The following PPIP5K2 variants were observed in gnomAD, a reference collection of about 807,000 sequenced individuals.
PPIP5K2 encodes the protein inositol hexakisphosphate and diphosphoinositol-pentakisphosphate kinase 2.
Under a neutral mutation model 154.6 loss-of-function variants are expected in PPIP5K2, and 105 were observed. The ratio of observed to expected loss-of-function variants is 0.68; its 90% confidence interval spans 0.58 to 0.80. The LOEUF (loss-of-function observed/expected upper bound fraction) is 0.80, where lower values mean the gene tolerates loss of function less well. Ranked by LOEUF, PPIP5K2 falls within the 30% of genes least tolerant of loss-of-function variation. The probability of loss-of-function intolerance (pLI) is 0.00; values close to 1 mark genes in which losing one functional copy is unlikely to be tolerated. For missense variants in PPIP5K2, 992 were observed against 1,504.6 expected (o/e 0.66, Z 5.64); for synonymous variants, 480 against 490.3 (o/e 0.98, Z 0.28).
rs782695056 is a variant in PPIP5K2, at chr5:103,154,677, G to T, written c.1225G>T (p.Asp409Tyr). ...KMEVRHQKFF[D>Y]LFEKCDGYKS... ...TTCTGTCTTTTTTATAAGATTTTTT[G>T]ATCTTTTTGAAAAGTGTGATGGATA... Residue 409 changes from aspartate to tyrosine, a missense_variant, in exon 12 of 31, where the codon GAT (aspartate) becomes TAT (tyrosine). Asp to Tyr is a radical substitution (Grantham distance 160). Transcript: ENST00000358359. The T allele has an allele frequency of 6.6e-7, 1 of 1,521,440 alleles. No homozygotes were observed. The highest frequency in any genetic ancestry group is 1.2e-5 in the South Asian group (1 of 80,984). 94.2% of individuals were successfully genotyped at this position (1,521,440 alleles called of 1,614,324 possible).
Position 103,181,333 on chromosome 5 carries a change from C to T in PPIP5K2, c.2922+1145C>T, listed in dbSNP as rs1352573143. Among the ~76,000 whole-genome samples, 11 of 151,750 alleles carry T rather than the reference C, an allele frequency of 7.2e-5. 1 individual carries two copies. The highest frequency in any genetic ancestry group is 2.6e-4 in the Admixed American group (4 of 15,240). Reference sequence around the variant, plus strand: ...CTGTAAACCTGGCACTTTGGGAGGCCGAGGTGGGTGGATCACCTGAGGTCA... The same window carrying T: ...CTGTAAACCTGGCACTTTGGGAGGCTGAGGTGGGTGGATCACCTGAGGTCA... On this transcript the variant is annotated intron_variant, in intron 24 of 30. Coordinates refer to ENST00000358359, the MANE Select transcript of PPIP5K2 (RefSeq NM_001276277.3).
intron 17 of PPIP5K2, 104 bp from the exon 18 acceptor site, chr5:103,167,075 T>C (rs910061294): frequency 8.1e-6 from 7 of 861,326 alleles, no homozygotes; most frequent in Non-Finnish European, 1.2e-5. Flanking sequence ...TAATTTCTGC[T>C]ATGGAATTAT....
chr5:103,197,629 G>T (rs1802312058), intron 30 of PPIP5K2, among the ~76,000 whole-genome samples: 1 of 137,358 alleles, frequency 7.3e-6, no homozygotes, highest in Non-Finnish European at 1.5e-5. Flanking sequence ...AGGCTGGAGT[G>T]CAGTGGTGTG....
chr5:103,130,091 C>A (rs1228629151), intron 2 of PPIP5K2, among the ~76,000 whole-genome samples: 2 of 152,128 alleles, frequency 1.3e-5, no homozygotes, highest in Non-Finnish European at 2.9e-5. Flanking sequence ...TAAATAGATT[C>A]ATTAAGCTTC....
chr5:103,150,525 C>T (rs2149561166), intron 8 of PPIP5K2, among the ~76,000 whole-genome samples: 1 of 152,328 alleles, frequency 6.6e-6, no homozygotes. Flanking sequence ...ATAATCCCAG[C>T]ACTTTGGGGG....
At chr5:103,199,282 G>A (rs1436876420) in intron 30 of PPIP5K2, among the ~76,000 whole-genome samples, 5 of 151,994 alleles carry the variant, frequency 3.3e-5, no homozygotes, top group South Asian at 2.1e-4. Flanking sequence ...ATCTGGTTTC[G>A]TTTGCCTTCA....
At chr5:103,174,489 ATAATCTCAAGGGTT>A (rs1425734190) in intron 21 of PPIP5K2, among the ~76,000 whole-genome samples, 1 of 152,006 alleles carries the variant, frequency 6.6e-6, no homozygotes, top group African/African-American at 2.4e-5. Flanking sequence ...TGGGTCTCAA[ATAATCTCAAGGGTT>A]TTCTCTCATG....
At chr5:103,170,025 C>T (rs1447464134) in intron 19 of PPIP5K2, among the ~76,000 whole-genome samples, 1 of 151,408 alleles carries the variant, frequency 6.6e-6, no homozygotes, top group Non-Finnish European at 1.5e-5. Context: ...TTAATCTCAC[C>T]CCTCTACTGT....
intron 1 of PPIP5K2, among the ~76,000 whole-genome samples, chr5:103,122,944 C>A (rs1269652215): frequency 6.6e-6 from 1 of 152,098 alleles, no homozygotes; most frequent in Non-Finnish European, 1.5e-5. Flanking sequence ...AGATGATTAT[C>A]CCAGGCAGTA....
intron 29 of PPIP5K2, among the ~76,000 whole-genome samples, chr5:103,194,281 C>T (rs943394117): frequency 2.0e-5 from 3 of 151,956 alleles, no homozygotes; most frequent in African/African-American, 7.3e-5. Context: ...AGTCCTTCTG[C>T]CTCAGCCTCC....
intron 30 of PPIP5K2, among the ~76,000 whole-genome samples, chr5:103,198,100 T>G (rs1554229156): frequency 6.6e-6 from 1 of 152,114 alleles, no homozygotes; most frequent in African/African-American, 2.4e-5. Context: ...ATCATTCAGT[T>G]AGAAATACTT....
rs1042488978 is a variant in PPIP5K2, at chr5:103,140,762, G to A, written c.487+2293G>A. Among the ~76,000 whole-genome samples the A allele has an allele frequency of 9.3e-5, 14 of 150,714 alleles. No homozygotes were observed. In the South Asian group the frequency reaches 1.3e-3, roughly 14 times the overall value. ...TGAGGCAGGAGAATGGCGTGAACCC[G>A]GAAGGCGGAGCTTGCAGTGAGCGGA... is the stretch of plus-strand genomic sequence containing the variant. On this transcript the variant is annotated intron_variant, in intron 5 of 30. Transcript: ENST00000358359.
At chr5:103,162,791 T>C (rs926990151) in intron 17 of PPIP5K2, among the ~76,000 whole-genome samples, 1 of 152,160 alleles carries the variant, frequency 6.6e-6, no homozygotes, top group Admixed American at 6.6e-5. Context: ...CCATAAGATA[T>C]ATATATCTTC....
intron 11 of PPIP5K2, 23 bp from the exon 12 acceptor site, chr5:103,154,647 C>T (rs782018911): frequency 3.1e-5 from 42 of 1,351,630 alleles, no homozygotes; most frequent in Non-Finnish European, 3.9e-5. Flanking sequence ...AAGTGACTAA[C>T]AGTGTTCTGT....
rs1423450877 is a variant in PPIP5K2, at chr5:103,173,408, AC to A, written c.2414+128del. 11 of 1,129,916 alleles carry A rather than the reference AC, an allele frequency of 9.7e-6. No homozygotes were observed. In the African/African-American group the frequency reaches 1.8e-4, roughly 18 times the overall value. 70.0% of individuals were successfully genotyped at this position (1,129,916 alleles called of 1,614,324 possible). A position where few individuals can be genotyped will look rare whatever the true frequency, so the allele number is the denominator to read the frequency against. ...ATTGGCATACTGTGAAAATAGTATT[AC>A]CTAGGTATTTCTATTAAGTTCCAAC... is the stretch of plus-strand genomic sequence containing the variant. On this transcript the variant is annotated intron_variant, in intron 20 of 30. Transcript: ENST00000358359.
intron 1 of PPIP5K2, among the ~76,000 whole-genome samples, chr5:103,128,014 T>G (rs959601019): frequency 1.3e-5 from 2 of 152,106 alleles, no homozygotes; most frequent in African/African-American, 4.8e-5. Flanking sequence ...CATTGATTTA[T>G]AAAGTAAATT....
At chr5:103,166,492 T>G (rs1288267670) in intron 17 of PPIP5K2, among the ~76,000 whole-genome samples, 1 of 152,038 alleles carries the variant, frequency 6.6e-6, no homozygotes, top group African/African-American at 2.4e-5. Context: ...CAGTTAATAA[T>G]GTAAAAAGTC....
chr5:103,130,506 T>G (rs1790438819), intron 2 of PPIP5K2, among the ~76,000 whole-genome samples: 1 of 152,154 alleles, frequency 6.6e-6, no homozygotes, highest in South Asian at 2.1e-4. Flanking sequence ...CCAAAAATAT[T>G]GATTAGATGA....
intron 23 of PPIP5K2, among the ~76,000 whole-genome samples, chr5:103,179,392 T>C (rs562836503): frequency 2.0e-5 from 3 of 152,160 alleles, no homozygotes; most frequent in African/African-American, 7.2e-5. Context: ...TATCTTATAG[T>C]TGGATATTTG....
Sources: allele counts gnomAD v4.1 joint callset (sites outside exome capture counted in the v4.1 genomes callset), GRCh38; gene constraint gnomAD v4.1.1; transcripts MANE v1.5; gene names NCBI Gene and HGNC (gene_info 2026-07-23, HGNC 2026-07-21).